The following TENM3 variants were observed in gnomAD, a reference collection of about 807,000 sequenced individuals.
TENM3 encodes the protein teneurin transmembrane protein 3, also known as teneurin-3.
TENM3 carries 63 observed loss-of-function variants against 255.1 expected under a neutral mutation model. The observed-to-expected ratio is 0.25, with a 90% CI of 0.20 to 0.30. TENM3 has a LOEUF of 0.30. Among genes scored for constraint, TENM3 ranks in the 10% least tolerant of loss-of-function variants. TENM3 has a pLI of 1.00. For synonymous variants in TENM3, 1,306 were observed against 1,322.3 expected, an observed-to-expected ratio of 0.99 and a Z score of 0.27; for missense variants, 2,929 against 3,461.1, an observed-to-expected ratio of 0.85 and a Z score of 3.86.
intron 3 of TENM3, among the ~76,000 whole-genome samples, chr4:182,363,663 G>A (rs1261405776): frequency 1.3e-5 from 2 of 152,028 alleles, no homozygotes; most frequent in Non-Finnish European, 2.9e-5. Context: ...CTACTTACAA[G>A]TGATATATCC....
chr4:181,652,335 A>G, the TENM3 span, among the ~76,000 whole-genome samples: 1 of 152,260 alleles, frequency 6.6e-6, no homozygotes, highest in South Asian at 2.1e-4. Flanking sequence ...AGGCTATTCC[A>G]AACATTTTGA....
At chr4:182,536,636 G>A (rs1740349310) in intron 3 of TENM3, among the ~76,000 whole-genome samples, 1 of 152,180 alleles carries the variant, frequency 6.6e-6, no homozygotes, top group Non-Finnish European at 1.5e-5. Flanking sequence ...CTTCAGGCCA[G>A]CCTCCTATGT....
chr4:182,737,106 A>G (rs371226971), intron 17 of TENM3, 31 bp downstream of exon 17: 6 of 1,594,140 alleles, frequency 3.8e-6, no homozygotes, highest in Admixed American at 1.8e-5. Context: ...TGCTGCAGTG[A>G]AGTTTTTCTC....
chr4:181,952,082 A>G, the TENM3 span, among the ~76,000 whole-genome samples: 1 of 152,190 alleles, frequency 6.6e-6, no homozygotes, highest in African/African-American at 2.4e-5. Flanking sequence ...TCCTTGTCAT[A>G]ATGCCTGTCG....
At chr4:181,507,204 A>T in the TENM3 span, among the ~76,000 whole-genome samples, 1 of 152,192 alleles carries the variant, frequency 6.6e-6, no homozygotes, top group African/African-American at 2.4e-5. Context: ...CCCCAGATTC[A>T]TCTCTATCCC....
the TENM3 span, among the ~76,000 whole-genome samples, chr4:181,656,167 C>A: frequency 3.3e-5 from 5 of 152,098 alleles, no homozygotes; most frequent in Non-Finnish European, 7.4e-5. Context: ...TCTGTCACCC[C>A]ATTAATCAGA....
At chr4:182,361,851 T>A (rs1353240489) in intron 3 of TENM3, among the ~76,000 whole-genome samples, 4 of 152,180 alleles carry the variant, frequency 2.6e-5, no homozygotes, top group Non-Finnish European at 5.9e-5. Flanking sequence ...TGTGGTTTTA[T>A]CTACTTTTGG....
At chr4:181,586,964 C>T in the TENM3 span, among the ~76,000 whole-genome samples, 3 of 152,184 alleles carry the variant, frequency 2.0e-5, no homozygotes, top group South Asian at 6.2e-4. Context: ...GTCAATAACA[C>T]GTTAATCAGC....
At chr4:182,567,759 A>G (rs1225050249) in intron 3 of TENM3, among the ~76,000 whole-genome samples, 1 of 151,608 alleles carries the variant, frequency 6.6e-6, no homozygotes, top group Non-Finnish European at 1.5e-5. Context: ...TTTTTTATAT[A>G]AAACAGTTAC....
At chr4:182,176,337 T>A (rs1752488341) in intron 1 of TENM3, among the ~76,000 whole-genome samples, 1 of 151,700 alleles carries the variant, frequency 6.6e-6, no homozygotes, top group Non-Finnish European at 1.5e-5. Context: ...GATTACCTCC[T>A]CTGTGTGATT....
chr4:181,899,575 G>T, the TENM3 span, among the ~76,000 whole-genome samples: 1 of 151,312 alleles, frequency 6.6e-6, no homozygotes, highest in East Asian at 1.9e-4. Flanking sequence ...TTTGTTTTTT[G>T]GGGTTTTTTT....
intron 1 of TENM3, among the ~76,000 whole-genome samples, chr4:182,243,777 C>T (rs955065202): frequency 4.6e-5 from 7 of 151,900 alleles, no homozygotes; most frequent in Admixed American, 2.6e-4. Flanking sequence ...GTCACATCAG[C>T]GAAATAATTT....
At chr4:182,411,237 A>C (rs1225214361) in intron 3 of TENM3, among the ~76,000 whole-genome samples, 1 of 152,222 alleles carries the variant, frequency 6.6e-6, no homozygotes, top group Admixed American at 6.5e-5. Flanking sequence ...CACAGAAAGT[A>C]ATTTCTTGAT....
chr4:182,501,691 A>G (rs1020496482), intron 3 of TENM3, among the ~76,000 whole-genome samples: 1 of 152,096 alleles, frequency 6.6e-6, no homozygotes, highest in Non-Finnish European at 1.5e-5. Flanking sequence ...TTCATTTTAA[A>G]TATTATCTGT....
the TENM3 span, among the ~76,000 whole-genome samples, chr4:181,603,433 C>A: frequency 5.9e-5 from 9 of 152,034 alleles, no homozygotes; most frequent in African/African-American, 2.2e-4. Context: ...GGTTTGCTTG[C>A]CCCAAAGAAA....
chr4:181,745,217 GT>G, the TENM3 span, among the ~76,000 whole-genome samples: 1 of 152,054 alleles, frequency 6.6e-6, no homozygotes, highest in African/African-American at 2.4e-5. Flanking sequence ...GTAAAATCCC[GT>G]CATTATGTCA....
the TENM3 span, among the ~76,000 whole-genome samples, chr4:182,002,839 T>C: frequency 1.3e-5 from 2 of 152,136 alleles, no homozygotes; most frequent in African/African-American, 4.8e-5. Flanking sequence ...TTCTGCATCA[T>C]ATTTTTCCCT....
chr4:181,563,404 G>T, the TENM3 span, among the ~76,000 whole-genome samples: 2 of 152,124 alleles, frequency 1.3e-5, no homozygotes, highest in Admixed American at 6.5e-5. Flanking sequence ...ATTTTGGATT[G>T]GGGCCCACCT....
At chr4:181,652,318 G>T in the TENM3 span, among the ~76,000 whole-genome samples, 1 of 152,088 alleles carries the variant, frequency 6.6e-6, no homozygotes, top group Non-Finnish European at 1.5e-5. Flanking sequence ...GGCACAATAA[G>T]ATATACAGGC....
Sources: gnomAD v4.1 joint callset for allele counts (sites outside exome capture counted in the v4.1 genomes callset) on GRCh38, gnomAD v4.1.1 for gene constraint, MANE v1.5 for transcripts, NCBI Gene and HGNC (gene_info 2026-07-23, HGNC 2026-07-21) for gene names.